PTCD2: variants seen among roughly 807,000 people sequenced by gnomAD.
PTCD2 encodes pentatricopeptide repeat domain 2.
A neutral mutation model predicts 42.6 loss-of-function variants in PTCD2; 31 were observed. That is an observed-to-expected ratio of 0.73 (90% CI 0.55 to 0.98). The LOEUF (loss-of-function observed/expected upper bound fraction) is 0.98. Ranked by LOEUF, PTCD2 falls within the 50% of genes least tolerant of loss-of-function variation. The pLI is 0.00. For synonymous variants in PTCD2, 183 were observed against 170.9 expected, an observed-to-expected ratio of 1.07 and a Z score of -0.55; for missense variants, 476 against 454.8, an observed-to-expected ratio of 1.05 and a Z score of -0.42.
intron 6 of PTCD2, among the ~76,000 whole-genome samples, chr5:72,336,562 T>C (rs1751752034): frequency 6.6e-6 from 1 of 152,056 alleles, no homozygotes; most frequent in African/African-American, 2.4e-5. Context: ...TACAAAAAAT[T>C]AGCCAGGCGT....
rs921292395 is a variant in PTCD2 at position 72,361,005 on chromosome 5, A to G, written c.*2578A>G. On this transcript the variant is annotated 3_prime_UTR_variant, in exon 10 of 10. Transcript: ENST00000380639. ...CCTGGCCTACTTATCCTGTTAATGAAAATATTTGATTGGACAGAACATCTT... is the reference window on the plus strand; with the variant it reads ...CCTGGCCTACTTATCCTGTTAATGAGAATATTTGATTGGACAGAACATCTT... 1 of 152,066 alleles carries G rather than the reference A, an allele frequency of 6.6e-6. No individual in the cohort carries two copies. The highest frequency in any genetic ancestry group is 2.4e-5 in the African/African-American group (1 of 41,386). The allele number at this position is 152,066 out of a possible 1,614,324, so 9.4% of individuals were successfully genotyped here.
chr5:72,325,768 G>GCTT (rs1359334852), intron 2 of PTCD2, among the ~76,000 whole-genome samples: 1 of 152,212 alleles, frequency 6.6e-6, no homozygotes, highest in Admixed American at 6.5e-5. Context: ...TTTCCTGGCA[G>GCTT]CTTCTGATAC....
At chr5:72,329,129 ACT>A (rs1286216123) in intron 3 of PTCD2, among the ~76,000 whole-genome samples, 1 of 152,114 alleles carries the variant, frequency 6.6e-6, no homozygotes, top group Non-Finnish European at 1.5e-5. Context: ...TATCCTGAAC[ACT>A]CTTTCTACTC....
intron 4 of PTCD2, among the ~76,000 whole-genome samples, chr5:72,331,699 C>T (rs1561380521): frequency 6.6e-6 from 1 of 152,150 alleles, no homozygotes; most frequent in Non-Finnish European, 1.5e-5. Flanking sequence ...ACTGACATTC[C>T]TATCCTTTAC....
At chr5:72,336,313 C>T (rs1338226358) in intron 6 of PTCD2, among the ~76,000 whole-genome samples, 3 of 152,138 alleles carry the variant, frequency 2.0e-5, no homozygotes, top group African/African-American at 7.2e-5. Context: ...ATGTTTGTCA[C>T]CTCCAGATAT....
rs1750898835 is a variant in PTCD2 at position 72,322,223 on chromosome 5, A to G, written c.179A>G (p.Gln60Arg). Residue 60 changes from glutamine to arginine, a missense_variant, in exon 2 of 10, where the codon CAA (glutamine) becomes CGA (arginine). Transcript: ENST00000380639. ...GTGGTGAAATTAAAAGAATTTCAACAAAAGAAAGTGGCTGTTGCATGTAAT... is the reference window on the plus strand; with the variant it reads ...GTGGTGAAATTAAAAGAATTTCAACGAAAGAAAGTGGCTGTTGCATGTAAT... Reference protein sequence around the residue: ...DNVVKLKEFQQKKVAVACNLS... With the variant: ...DNVVKLKEFQRKKVAVACNLS... 1 of 1,603,732 alleles carries G rather than the reference A, an allele frequency of 6.2e-7. No homozygotes were observed. The highest frequency in any genetic ancestry group is 1.3e-5 in the African/African-American group (1 of 74,732).
intron 2 of PTCD2, among the ~76,000 whole-genome samples, chr5:72,325,526 C>T (rs982655228): frequency 3.9e-5 from 6 of 152,240 alleles, no homozygotes; most frequent in South Asian, 4.1e-4. Flanking sequence ...TGCAAGTGGC[C>T]GAGCTTAGAT....
Position 72,362,784 on chromosome 5 carries a change from C to T in PTCD2, c.*4357C>T, listed in dbSNP as rs1753123389. On this transcript the variant is annotated 3_prime_UTR_variant, in exon 10 of 10. Transcript: ENST00000380639. Reference sequence around the variant, plus strand: ...CACAGGGAAAAGACAGACAAGATCTCTGTCCCAACACAGAAAATTTTAGCC... The same window carrying T: ...CACAGGGAAAAGACAGACAAGATCTTTGTCCCAACACAGAAAATTTTAGCC... The T allele has an allele frequency of 6.6e-6, 1 of 152,216 alleles. No homozygotes were observed. Among genetic ancestry groups the T allele is most frequent in the South Asian group, 2.1e-4 (1 of 4,834 alleles). 9.4% of individuals were successfully genotyped at this position (152,216 alleles called of 1,614,324 possible).
chr5:72,352,038 CAG>C (rs1413519634), intron 8 of PTCD2, among the ~76,000 whole-genome samples: 1 of 152,178 alleles, frequency 6.6e-6, no homozygotes, highest in East Asian at 1.9e-4. Context: ...AGTACCAGTC[CAG>C]AGTCACTTAG....
chr5:72,327,490 G>C (rs1025452216), intron 3 of PTCD2, among the ~76,000 whole-genome samples: 2 of 50,198 alleles, frequency 4.0e-5, no homozygotes, highest in Non-Finnish European at 7.4e-5. Context: ...TTTTTTTTTT[G>C]AGATGAAGTC....
At position 72,322,304 on chromosome 5, in the gene PTCD2, C is replaced by T. The variant is rs923915817; in HGVS notation, c.220+40C>T. On this transcript the variant is annotated intron_variant, in intron 2 of 9. Coordinates refer to ENST00000380639, the MANE Select transcript of PTCD2 (RefSeq NM_024754.5). ...TTTGTTAATTCTGTCATTTATCTGT[C>T]ATTTAAGTTTCTCTGTCTTTATCCC... is the stretch of plus-strand genomic sequence containing the variant. The T allele has an allele frequency of 2.4e-6, 3 of 1,228,264 alleles. No homozygotes were observed. The African/African-American group carries it at 4.5e-5, about 18-fold the overall frequency. The allele number at this position is 1,228,264 out of a possible 1,614,324, so 76.1% of individuals were successfully genotyped here.
At chr5:72,325,041 G>A (rs1325754050) in intron 2 of PTCD2, among the ~76,000 whole-genome samples, 1 of 151,856 alleles carries the variant, frequency 6.6e-6, no homozygotes, top group African/African-American at 2.4e-5. Flanking sequence ...TTGTGCCTCA[G>A]CCTCCCTAGT....
In PTCD2 at chr5:72,342,983, T is replaced by G. The variant is rs1331554283; in HGVS notation, c.775T>G (p.Ser259Ala). 2 of 1,599,950 alleles carry G rather than the reference T, an allele frequency of 1.3e-6. No individual in the cohort carries two copies. Among genetic ancestry groups the G allele is most frequent in the African/African-American group, 2.7e-5 (2 of 74,478 alleles). ...CTAGAATGAGATGGCAAAAGCTGTG[T>G]CCATTTTTTCTCAAATCATGAATCC... is the stretch of plus-strand genomic sequence containing the variant. ...LNQNEMAKAVSIFSQIMNPES... is the reference protein window; with the variant it reads ...LNQNEMAKAVAIFSQIMNPES... Residue 259 changes from serine (S) to alanine (A), a missense_variant, in exon 8 of 10, where the codon TCC (serine) becomes GCC (alanine). Ser to Ala is a moderately conservative substitution (Grantham distance 99). Transcript: ENST00000380639.
chr5:72,334,042 A>AT (rs202074828), intron 4 of PTCD2, among the ~76,000 whole-genome samples: 1,659 of 151,722 alleles, frequency 0.011, 30 homozygotes, highest in African/African-American at 0.038. Context: ...AATTTTTATT[A>AT]TTTTTTTTAA....
intron 3 of PTCD2, among the ~76,000 whole-genome samples, chr5:72,327,205 A>G (rs570117733): frequency 2.6e-5 from 4 of 151,910 alleles, no homozygotes; most frequent in Admixed American, 2.0e-4. Flanking sequence ...TCCTCTCTCT[A>G]TCTCCGTTAG....
At chr5:72,323,054 G>A (rs149128466) in intron 2 of PTCD2, among the ~76,000 whole-genome samples, 384 of 152,258 alleles carry the variant, frequency 2.5e-3, no homozygotes, top group African/African-American at 8.1e-3. Context: ...AGGGACTGAG[G>A]TGGGAGGATT....
rs549468864 is a variant in PTCD2 at position 72,320,690 on chromosome 5, C to T, written c.127+181C>T. On this transcript the variant is annotated intron_variant, in intron 1 of 9. Transcript: ENST00000380639. Reference sequence around the variant, plus strand: ...GACCACTGGGGGTCGTGGATACCCCCAGTGCCTGCAAATCGAAGGACTGCT... The same window carrying T: ...GACCACTGGGGGTCGTGGATACCCCTAGTGCCTGCAAATCGAAGGACTGCT... 1.1e-4 allele frequency: 80 copies of T among 725,158 alleles called. No homozygotes were observed. The Admixed American group carries it at 1.7e-3, about 16-fold the overall frequency. The allele number at this position is 725,158 out of a possible 1,614,324, so 44.9% of individuals were successfully genotyped here. A position where few individuals can be genotyped will look rare whatever the true frequency, so the allele number is the denominator to read the frequency against.
rs1007600979 is a variant in PTCD2 at position 72,367,492 on chromosome 5, T to C, written c.*9065T>C. On this transcript the variant is annotated 3_prime_UTR_variant, in exon 10 of 10. Transcript: ENST00000380639. ...ACAAACTGTTAATGACTCTAAACAA[T>C]GTGGCCCACAGAGTTGGTATGGTTT... 26 of 152,172 alleles carry C rather than the reference T, an allele frequency of 1.7e-4. No individual in the cohort carries two copies. Among genetic ancestry groups the C allele is most frequent in the African/African-American group, 6.3e-4 (26 of 41,436 alleles). 9.4% of individuals were successfully genotyped at this position (152,172 alleles called of 1,614,324 possible).
intron 8 of PTCD2, among the ~76,000 whole-genome samples, chr5:72,346,417 A>G (rs1220420249): frequency 6.6e-6 from 1 of 152,152 alleles, no homozygotes; most frequent in Non-Finnish European, 1.5e-5. Flanking sequence ...AAAGAGAGGG[A>G]AGGACTTGCA....
Sources: allele counts gnomAD v4.1 joint callset (sites outside exome capture counted in the v4.1 genomes callset), GRCh38; gene constraint gnomAD v4.1.1; transcripts MANE v1.5; gene names NCBI Gene and HGNC (gene_info 2026-07-23, HGNC 2026-07-21).